The following RNF8 variants were observed in gnomAD, a reference collection of about 807,000 sequenced individuals.
RNF8 encodes the protein ring finger protein 8.
A neutral mutation model predicts 59.3 loss-of-function variants in RNF8; 8 were observed. The ratio of observed to expected loss-of-function variants is 0.13; its 90% CI spans 0.08 to 0.24. The LOEUF is 0.24. Among genes scored for constraint, RNF8 ranks in the 10% least tolerant of loss-of-function variants. The pLI, the probability that RNF8 is intolerant of heterozygous loss-of-function variation, is 1.00. For synonymous variants in RNF8, 162 were observed against 200.0 expected, an observed-to-expected ratio of 0.81 and a Z score of 1.60; for missense variants, 406 against 572.6, an observed-to-expected ratio of 0.71 and a Z score of 2.97.
At position 37,354,020 on chromosome 6, in the gene RNF8, G is replaced by A. The variant is rs948913772; in HGVS notation, c.-145G>A. ...CTTCCTGGCCGAGGGCGGGCGAGCG[G>A]AGCCTGCTTTCGCAGCGATCGCGAG... On this transcript the variant is annotated 5_prime_UTR_variant, in exon 1 of 8. Transcript: ENST00000373479. 1.3e-6 allele frequency: 1 copy of A among 741,770 alleles called. No homozygotes were observed. The highest frequency in any genetic ancestry group is 3.6e-4 in the Middle Eastern group (1 of 2,784). The allele number at this position is 741,770 out of a possible 1,614,324, so 45.9% of individuals were successfully genotyped here. A position where few individuals can be genotyped will look rare whatever the true frequency, so the allele number is the denominator to read the frequency against.
chr6:37,371,667 C>A, intron 4 of RNF8, 93 bp downstream of exon 4: 1 of 999,110 alleles, frequency 1.0e-6, no homozygotes, highest in South Asian at 1.4e-5. Flanking sequence ...CTGCTTAGCC[C>A]ATACCTCTGT....
intron 4 of RNF8, among the ~76,000 whole-genome samples, chr6:37,373,230 A>C (rs544291467): frequency 2.0e-5 from 3 of 149,410 alleles, no homozygotes; most frequent in Admixed American, 6.6e-5. Context: ...ATTTGACTAT[A>C]GTTAGAAATG....
At chr6:37,359,368 G>A in intron 1 of RNF8, 1 of 268,556 alleles carries the variant, frequency 3.7e-6, no homozygotes, top group Admixed American at 4.9e-5. Context: ...GTGGGTTAAT[G>A]TTTACTAGGT....
intron 3 of RNF8, among the ~76,000 whole-genome samples, chr6:37,370,699 C>T (rs907949585): frequency 3.1e-5 from 3 of 95,730 alleles, no homozygotes; most frequent in African/African-American, 5.9e-5. Flanking sequence ...TGCTCCTTCA[C>T]ACTTTTTTTT....
At position 37,392,303 on chromosome 6, in the gene RNF8, T is replaced by A. The variant is rs2113838587; in HGVS notation, c.*1545T>A. 2.5e-6 allele frequency: 1 copy of A among 397,200 alleles called. No homozygotes were observed. The highest frequency in any genetic ancestry group is 3.6e-5 in the East Asian group (1 of 28,028). The allele number at this position is 397,200 out of a possible 1,614,324, so 24.6% of individuals were successfully genotyped here. On this transcript the variant is annotated 3_prime_UTR_variant, in exon 8 of 8. Transcript: ENST00000373479. Reference sequence around the variant, plus strand: ...TTGCATGGGTATATGTCAATTTTTATATGTTCTGTGTTTAGTTTACATATT... The same window carrying A: ...TTGCATGGGTATATGTCAATTTTTAAATGTTCTGTGTTTAGTTTACATATT...
rs559804083 is a variant in RNF8 at position 37,375,169 on chromosome 6, G to A, written c.1128+460G>A. On this transcript the variant is annotated intron_variant, in intron 5 of 7. Transcript: ENST00000373479. ...AGGGCCAGACTGGTAATCAAAGTGAGTGAAGTGGCCTGAATGTAAGAACAC... is the reference window on the plus strand; with the variant it reads ...AGGGCCAGACTGGTAATCAAAGTGAATGAAGTGGCCTGAATGTAAGAACAC... Among the ~76,000 whole-genome samples, 10 of 152,354 alleles carry A rather than the reference G, an allele frequency of 6.6e-5. No homozygotes were observed. The South Asian group carries it at 1.9e-3, about 28-fold the overall frequency.
intron 4 of RNF8, among the ~76,000 whole-genome samples, chr6:37,371,797 A>G (rs1769817273): frequency 6.6e-6 from 1 of 152,218 alleles, no homozygotes; most frequent in Non-Finnish European, 1.5e-5. Flanking sequence ...TCTGAGCAGA[A>G]GTTGCTCTGG....
chr6:37,369,184 A>T lies in RNF8; in HGVS notation c.941A>T (p.Glu314Val). 6.2e-7 allele frequency: 1 copy of T among 1,613,028 alleles called. No individual in the cohort carries two copies. Residue 314 changes from glutamate (E) to valine (V), a missense_variant, in exon 3 of 8, where the codon GAG becomes GTG. By Grantham distance (121) the Glu-to-Val change is moderately radical. Transcript: ENST00000373479. ...AQQQARVEQLEKTFQEEEQHL... is the reference protein window; with the variant it reads ...AQQQARVEQLVKTFQEEEQHL... ...CAGCAGGCAAGAGTGGAGCAACTAGAGAAGACTTTCCAGGAAGAGGAACAG... is the reference window on the plus strand; with the variant it reads ...CAGCAGGCAAGAGTGGAGCAACTAGTGAAGACTTTCCAGGAAGAGGAACAG...
intron 3 of RNF8, 81 bp from the exon 4 acceptor site, chr6:37,371,431 T>A: frequency 8.6e-7 from 1 of 1,166,898 alleles, no homozygotes; most frequent in Non-Finnish European, 1.3e-6. Flanking sequence ...TACTAGCTGG[T>A]CTGCTCTGCT....
At chr6:37,389,665 T>G (rs945131398) in intron 7 of RNF8, among the ~76,000 whole-genome samples, 5 of 151,296 alleles carry the variant, frequency 3.3e-5, no homozygotes, top group African/African-American at 1.2e-4. Context: ...AGAGGAGAAG[T>G]GTGCATTCTT....
At chr6:37,371,059 G>C (rs1769779959) in intron 3 of RNF8, among the ~76,000 whole-genome samples, 1 of 152,126 alleles carries the variant, frequency 6.6e-6, no homozygotes, top group Non-Finnish European at 1.5e-5. Flanking sequence ...CAGAGGAGCA[G>C]TGTATAAACT....
chr6:37,367,684 G>C (rs538465476), intron 2 of RNF8, among the ~76,000 whole-genome samples: 42 of 152,322 alleles, frequency 2.8e-4, no homozygotes, highest in African/African-American at 9.9e-4. Context: ...GATTACAGAT[G>C]TAAGCTGCCA....
intron 2 of RNF8, among the ~76,000 whole-genome samples, chr6:37,365,064 T>C (rs1769492996): frequency 1.3e-5 from 2 of 152,216 alleles, no homozygotes; most frequent in Admixed American, 6.5e-5. Context: ...CCACCACACC[T>C]GGCCTGTAGT....
rs372475283 is a variant in RNF8 at position 37,377,180 on chromosome 6, C to G, written c.1236+147C>G. ...CTCCACTTCCTGGGCTCAAGCAGTT[C>G]TTGTGCCTCAGCCTCCCAAGTAGCT... On this transcript the variant is annotated intron_variant, in intron 6 of 7. Coordinates refer to ENST00000373479, the MANE Select transcript of RNF8 (RefSeq NM_003958.4). The G allele has an allele frequency of 4.9e-5, 27 of 556,022 alleles. No individual in the cohort carries two copies. The African/African-American group carries it at 5.1e-4, about 11-fold the overall frequency. 34.4% of individuals were successfully genotyped at this position (556,022 alleles called of 1,614,324 possible). A position where few individuals can be genotyped will look rare whatever the true frequency, so the allele number is the denominator to read the frequency against.
chr6:37,362,141 C>G (rs929248822), intron 2 of RNF8, among the ~76,000 whole-genome samples: 3 of 152,174 alleles, frequency 2.0e-5, no homozygotes, highest in African/African-American at 7.2e-5. Flanking sequence ...TTTTCCTCAT[C>G]AGAGTAGGCT....
chr6:37,376,721 A>G (rs1015872966), intron 5 of RNF8, among the ~76,000 whole-genome samples: 2 of 152,234 alleles, frequency 1.3e-5, no homozygotes, highest in African/African-American at 2.4e-5. Flanking sequence ...GGGAGAGGAA[A>G]GAAAGGAGGT....
At chr6:37,373,023 C>T (rs888386183) in intron 4 of RNF8, among the ~76,000 whole-genome samples, 13 of 152,198 alleles carry the variant, frequency 8.5e-5, no homozygotes, top group African/African-American at 2.9e-4. Flanking sequence ...GGACATGCCA[C>T]TCTCATGCAG....
intron 2 of RNF8, among the ~76,000 whole-genome samples, chr6:37,363,909 G>A (rs1278106577): frequency 1.3e-5 from 2 of 152,206 alleles, no homozygotes; most frequent in African/African-American, 4.8e-5. Context: ...GCTGGGCGCT[G>A]TGGCTCACGC....
intron 2 of RNF8, among the ~76,000 whole-genome samples, chr6:37,366,095 A>T (rs1769539782): frequency 6.6e-6 from 1 of 152,206 alleles, no homozygotes; most frequent in Admixed American, 6.5e-5. Flanking sequence ...ACATATCGTG[A>T]AAGTTTGCCC....
Sources: gnomAD v4.1 joint callset for allele counts (sites outside exome capture counted in the v4.1 genomes callset) on GRCh38, gnomAD v4.1.1 for gene constraint, MANE v1.5 for transcripts, NCBI Gene and HGNC (gene_info 2026-07-23, HGNC 2026-07-21) for gene names.